Variants in MAP4K4 observed in about 807,000 individuals in gnomAD.
The protein encoded by MAP4K4 is HPK/GCK-like kinase HGK.
In MAP4K4, 38 loss-of-function variants were observed where a neutral mutation model predicts 189.6. The observed-to-expected ratio is 0.20, with a 90% CI of 0.15 to 0.26. The LOEUF (loss-of-function observed/expected upper bound fraction) is 0.26. Among genes scored for constraint, MAP4K4 ranks in the 10% least tolerant of loss-of-function variants. The pLI is 1.00. For synonymous variants in MAP4K4, 610 were observed against 624.3 expected (o/e 0.98, Z 0.34); for missense variants, 1,054 against 1,726.9 (o/e 0.61, Z 6.91).
At chr2:101,768,738 C>T (rs2079870836) in intron 2 of MAP4K4, among the ~76,000 whole-genome samples, 1 of 152,186 alleles carries the variant, frequency 6.6e-6, no homozygotes, top group South Asian at 2.1e-4. Flanking sequence ...TGGTACTTCT[C>T]CAACAGTCTA....
At chr2:101,821,626 G>A (rs1171436504) in intron 3 of MAP4K4, among the ~76,000 whole-genome samples, 3 of 152,222 alleles carry the variant, frequency 2.0e-5, no homozygotes, top group Admixed American at 2.0e-4. Flanking sequence ...GTGAATCAGT[G>A]AGTGAGTGGT....
At chr2:101,891,402 G>T in exon 33 of MAP4K4, 9 of 614,874 alleles carry the variant, frequency 1.5e-5, no homozygotes, top group South Asian at 4.0e-5. Flanking sequence ...CCTCCTTCCT[G>T]TTCCTCTTAT....
chr2:101,703,220 A>G (rs1573774299), intron 2 of MAP4K4, among the ~76,000 whole-genome samples: 1 of 151,632 alleles, frequency 6.6e-6, no homozygotes, highest in South Asian at 2.1e-4. Context: ...GTGGTGGTAG[A>G]GAGGAGGAGA....
chr2:101,818,393 C>T (rs575251368), intron 3 of MAP4K4, among the ~76,000 whole-genome samples: 4 of 152,160 alleles, frequency 2.6e-5, no homozygotes, highest in African/African-American at 4.8e-5. Context: ...CAGCTGTCGC[C>T]GAGTCTCCAT....
At chr2:101,840,125 C>A in intron 10 of MAP4K4, 131 bp downstream of exon 10, 2 of 838,580 alleles carry the variant, frequency 2.4e-6, no homozygotes, top group Non-Finnish European at 3.5e-6. Flanking sequence ...TCTCTGCTTG[C>A]GGTTCAGTGC....
chr2:101,814,794 C>G (rs948275845), intron 3 of MAP4K4, among the ~76,000 whole-genome samples: 2 of 152,070 alleles, frequency 1.3e-5, no homozygotes, highest in Non-Finnish European at 2.9e-5. Flanking sequence ...TGTGGTGATT[C>G]ATGAAACATA....
intron 9 of MAP4K4, among the ~76,000 whole-genome samples, chr2:101,839,561 T>C (rs1251715143): frequency 6.6e-6 from 1 of 152,236 alleles, no homozygotes; most frequent in Admixed American, 6.5e-5. Context: ...TTCATTTAAA[T>C]CTGACCTCCT....
chr2:101,865,686 T>C (rs1299094521), intron 18 of MAP4K4, among the ~76,000 whole-genome samples: 1 of 152,208 alleles, frequency 6.6e-6, no homozygotes, highest in African/African-American at 2.4e-5. Flanking sequence ...GAACGCTTCA[T>C]TGACCAGCAC....
intron 3 of MAP4K4, among the ~76,000 whole-genome samples, chr2:101,802,717 G>A (rs1327819551): frequency 6.6e-6 from 1 of 152,020 alleles, no homozygotes; most frequent in African/African-American, 2.4e-5. Context: ...ATGTATACCA[G>A]TGCCTCCACC....
At chr2:101,823,986 G>A (rs974642755) in exon 4 of MAP4K4, 1 of 1,610,570 alleles carries the variant, frequency 6.2e-7, no homozygotes, top group Non-Finnish European at 8.5e-7. Flanking sequence ...TCTCATCACA[G>A]AAACATTGCA....
exon 33 of MAP4K4, chr2:101,891,366 C>A: frequency 1.3e-6 from 1 of 785,214 alleles, no homozygotes; most frequent in Admixed American, 2.1e-5. Flanking sequence ...GCTGTGTGTG[C>A]AGACCTCATG....
intron 2 of MAP4K4, among the ~76,000 whole-genome samples, chr2:101,715,640 T>C (rs549901718): frequency 2.0e-5 from 3 of 152,328 alleles, no homozygotes; most frequent in African/African-American, 4.8e-5. Context: ...GAGAGTCATG[T>C]TGATGCTCAA....
intron 2 of MAP4K4, among the ~76,000 whole-genome samples, chr2:101,744,225 C>T (rs555151467): frequency 2.0e-5 from 3 of 152,214 alleles, no homozygotes; most frequent in South Asian, 4.1e-4. Context: ...AAAAGAGAGG[C>T]GAAATTAATT....
At chr2:101,757,091 T>G (rs1035336329) in intron 2 of MAP4K4, among the ~76,000 whole-genome samples, 3 of 152,184 alleles carry the variant, frequency 2.0e-5, no homozygotes. Flanking sequence ...ACTATCTGTG[T>G]GTACCTTTGG....
At chr2:101,851,279 T>C (rs2097273960) in intron 12 of MAP4K4, among the ~76,000 whole-genome samples, 1 of 152,220 alleles carries the variant, frequency 6.6e-6, no homozygotes, top group Non-Finnish European at 1.5e-5. Context: ...TTGATTTTAT[T>C]TTTAAAGAAA....
chr2:101,794,612 T>C (rs1041393963), intron 3 of MAP4K4, among the ~76,000 whole-genome samples: 1 of 152,238 alleles, frequency 6.6e-6, no homozygotes, highest in Non-Finnish European at 1.5e-5. Context: ...TATTTGAGCA[T>C]GCTTGTCTTA....
At chr2:101,795,063 C>T (rs2093535598) in intron 3 of MAP4K4, among the ~76,000 whole-genome samples, 2 of 152,136 alleles carry the variant, frequency 1.3e-5, no homozygotes, top group Admixed American at 6.5e-5. Context: ...GGGAGTACGT[C>T]AGTTCTAGGT....
At chr2:101,719,446 C>G (rs2050402263) in intron 2 of MAP4K4, among the ~76,000 whole-genome samples, 1 of 152,086 alleles carries the variant, frequency 6.6e-6, no homozygotes. Flanking sequence ...CAGTAAGTTT[C>G]TAGTGAAAAT....
chr2:101,831,880 G>A, intron 7 of MAP4K4, 29 bp downstream of exon 7: 1 of 1,609,560 alleles, frequency 6.2e-7, no homozygotes, highest in Non-Finnish European at 8.5e-7. Context: ...GTAGGCCTTT[G>A]CAGGGCCACT....
Sources: allele counts gnomAD v4.1 joint callset (sites outside exome capture counted in the v4.1 genomes callset), GRCh38; gene constraint gnomAD v4.1.1; transcripts MANE v1.5; gene names NCBI Gene and HGNC (gene_info 2026-07-23, HGNC 2026-07-21).